MAP2K4: variants seen among roughly 807,000 people sequenced by gnomAD.
The protein encoded by MAP2K4 is dual specificity mitogen-activated protein kinase kinase 4.
A neutral mutation model predicts 48.5 loss-of-function variants in MAP2K4; 4 were observed. The observed-to-expected ratio is 0.08, with a 90% CI of 0.04 to 0.19. The LOEUF (loss-of-function observed/expected upper bound fraction) is 0.19, where lower values mean the gene tolerates loss of function less well. MAP2K4 is among the 10% of genes least tolerant of loss of function. The pLI is 1.00. For synonymous variants in MAP2K4, 166 were observed against 173.1 expected (o/e 0.96, Z 0.32); for missense variants, 258 against 493.3 (o/e 0.52, Z 4.52).
In MAP2K4 at chr17:12,076,766, A is replaced by G. The variant is rs1301445983; in HGVS notation, c.219-4590A>G. On this transcript the variant is annotated intron_variant, in intron 2 of 10. Transcript: ENST00000353533. ...TTTTCTCTAGAATGTGGAACTGTTA[A>G]GTCTCTGGGAACCAAGAATTATTAG... Among the ~76,000 whole-genome samples, 4 of 152,126 alleles carry G rather than the reference A, an allele frequency of 2.6e-5. No individual in the cohort carries two copies. The East Asian group carries it at 7.7e-4, about 29-fold the overall frequency.
At chr17:12,089,466 TG>T (rs942853490) in intron 3 of MAP2K4, among the ~76,000 whole-genome samples, 2 of 152,208 alleles carry the variant, frequency 1.3e-5, no homozygotes, top group Non-Finnish European at 2.9e-5. Context: ...AATTGGTGCC[TG>T]GAAGAATCTC....
At chr17:12,112,428 A>T (rs968349325) in intron 6 of MAP2K4, among the ~76,000 whole-genome samples, 3 of 143,850 alleles carry the variant, frequency 2.1e-5, no homozygotes, top group Non-Finnish European at 4.5e-5. Flanking sequence ...GCACCACTGC[A>T]TTCCAGCCTG....
At chr17:12,131,234 C>CTTTTTTTTTTTTTTTTTTTTTT (rs11307653) in intron 9 of MAP2K4, among the ~76,000 whole-genome samples, 1 of 130,940 alleles carries the variant, frequency 7.6e-6, no homozygotes, top group Non-Finnish European at 1.6e-5. Flanking sequence ...GGTCACATTT[C>CTTTTTTTTTTTTTTTTTTTTTT]TTTTTTTTTT....
intron 1 of MAP2K4, among the ~76,000 whole-genome samples, chr17:12,027,883 G>T (rs1969309248): frequency 6.6e-6 from 1 of 152,116 alleles, no homozygotes; most frequent in African/African-American, 2.4e-5. Context: ...GACTGGTTTT[G>T]TGTAGGTTAA....
intron 3 of MAP2K4, among the ~76,000 whole-genome samples, chr17:12,093,404 C>T (rs574462341): frequency 1.2e-3 from 188 of 152,206 alleles, no homozygotes; most frequent in Non-Finnish European, 2.1e-3. Context: ...TCATGTAGTC[C>T]ATATATCCTT....
intron 7 of MAP2K4, chr17:12,115,892 C>A (rs762714297): frequency 4.9e-6 from 3 of 606,188 alleles, no homozygotes; most frequent in Non-Finnish European, 6.3e-6. Context: ...TATTGGACCT[C>A]CTAGTCCAGC....
At chr17:12,043,231 A>C (rs1285083649) in intron 1 of MAP2K4, among the ~76,000 whole-genome samples, 1 of 152,126 alleles carries the variant, frequency 6.6e-6, no homozygotes, top group Non-Finnish European at 1.5e-5. Context: ...AATTTGTTTT[A>C]CTTGTTTTTA....
At chr17:12,095,500 C>G in intron 3 of MAP2K4, 75 bp from the exon 4 acceptor site, 1 of 1,546,964 alleles carries the variant, frequency 6.5e-7, no homozygotes, top group Middle Eastern at 1.7e-4. Flanking sequence ...TTTTCTCTAC[C>G]ATGAGACTAA....
intron 1 of MAP2K4, among the ~76,000 whole-genome samples, chr17:12,034,996 A>G (rs1224268608): frequency 9.9e-5 from 15 of 152,166 alleles, no homozygotes. Context: ...CTTGGTAGAG[A>G]TGGCTAGCCC....
At chr17:12,122,142 A>G (rs1296334857) in intron 7 of MAP2K4, among the ~76,000 whole-genome samples, 2 of 152,222 alleles carry the variant, frequency 1.3e-5, no homozygotes, top group East Asian at 3.8e-4. Flanking sequence ...GCTACAGATA[A>G]AGTTTTAAAT....
At chr17:12,058,939 C>A (rs968387881) in intron 2 of MAP2K4, among the ~76,000 whole-genome samples, 1 of 151,972 alleles carries the variant, frequency 6.6e-6, no homozygotes, top group Non-Finnish European at 1.5e-5. Flanking sequence ...CTCTTGAAAT[C>A]GATTAGTTTT....
intron 2 of MAP2K4, among the ~76,000 whole-genome samples, chr17:12,060,051 G>C (rs1049228188): frequency 6.6e-6 from 1 of 151,928 alleles, no homozygotes; most frequent in African/African-American, 2.4e-5. Flanking sequence ...GATGGTGTGC[G>C]CCTGTGGTCC....
intron 1 of MAP2K4, among the ~76,000 whole-genome samples, chr17:12,041,748 TAAATC>T (rs2151516674): frequency 6.6e-6 from 1 of 152,348 alleles, no homozygotes; most frequent in Non-Finnish European, 1.5e-5. Flanking sequence ...CTAAAGATGT[TAAATC>T]AAACATTTGA....
intron 1 of MAP2K4, chr17:12,021,271 CA>C (rs1468427284): frequency 3.7e-5 from 9 of 243,424 alleles, no homozygotes; most frequent in Admixed American, 5.6e-5. Context: ...CCGCAGGGCC[CA>C]CCTGGTCCGG....
At chr17:12,049,369 T>A (rs934092048) in intron 1 of MAP2K4, among the ~76,000 whole-genome samples, 3 of 152,218 alleles carry the variant, frequency 2.0e-5, no homozygotes, top group Non-Finnish European at 4.4e-5. Context: ...GAATACCCTG[T>A]GGTGTCAATG....
chr17:12,127,417 C>T (rs574534067), intron 8 of MAP2K4, among the ~76,000 whole-genome samples: 9 of 152,230 alleles, frequency 5.9e-5, no homozygotes, highest in Non-Finnish European at 1.0e-4. Flanking sequence ...TTATCTATGA[C>T]TAAACAATTA....
At position 12,049,377 on chromosome 17, in the gene MAP2K4, A is replaced by G. The variant is rs146802453; in HGVS notation, c.116-5512A>G. ...TTCTAGGGAATACCCTGTGGTGTCA[A>G]TGGGTGTTCCCTAAAAGGGATTGAT... On this transcript the variant is annotated intron_variant, in intron 1 of 10. Transcript: ENST00000353533. 2.4e-3 allele frequency among the ~76,000 whole-genome samples: 366 copies of G among 152,298 alleles called. 1 individual carries two copies. Among genetic ancestry groups the G allele is most frequent in the African/African-American group, 8.3e-3 (345 of 41,570 alleles).
chr17:12,056,173 T>A (rs1195487620), intron 2 of MAP2K4, among the ~76,000 whole-genome samples: 1 of 152,116 alleles, frequency 6.6e-6, no homozygotes, highest in Middle Eastern at 3.2e-3. Context: ...TTACCTTAGT[T>A]ACTAGCTGAA....
At chr17:12,125,210 G>A in intron 7 of MAP2K4, 84 bp from the exon 8 acceptor site, 4 of 898,488 alleles carry the variant, frequency 4.5e-6, no homozygotes, top group Non-Finnish European at 7.6e-6. Context: ...CTGGCATTTT[G>A]GCTGTCTACC....
Sources: gnomAD v4.1 joint callset for allele counts (sites outside exome capture counted in the v4.1 genomes callset) on GRCh38, gnomAD v4.1.1 for gene constraint, MANE v1.5 for transcripts, NCBI Gene and HGNC (gene_info 2026-07-23, HGNC 2026-07-21) for gene names.